MTOR: variants seen among roughly 807,000 people sequenced by gnomAD.
MTOR encodes serine/threonine-protein kinase mTOR.
A neutral mutation model predicts 319.8 loss-of-function variants in MTOR; 70 were observed. The ratio of observed to expected loss-of-function variants is 0.22; its 90% CI spans 0.18 to 0.27. The LOEUF is 0.27. Ranked by LOEUF, MTOR falls within the 10% of genes least tolerant of loss-of-function variation. MTOR has a pLI of 1.00. For missense variants in MTOR, 1,890 were observed against 3,274.4 expected, an observed-to-expected ratio of 0.58 and a Z score of 10.32; for synonymous variants, 1,183 against 1,211.4, an observed-to-expected ratio of 0.98 and a Z score of 0.49.
intron 13 of MTOR, among the ~76,000 whole-genome samples, chr1:11,234,468 A>C (rs1647129281): frequency 6.6e-6 from 1 of 152,200 alleles, no homozygotes; most frequent in African/African-American, 2.4e-5. Context: ...AGGAAGAAAA[A>C]CTATTCGAAA....
chr1:11,238,115 T>C, intron 12 of MTOR, 67 bp from the exon 13 acceptor site: 4 of 1,467,662 alleles, frequency 2.7e-6, no homozygotes, highest in Non-Finnish European at 3.8e-6. Flanking sequence ...TCCCAGCTTC[T>C]ACCTCCACTG....
chr1:11,189,927 A>AGCACAGACGGTCACTCAGACCTCC (rs1645462381), intron 28 of MTOR: 1 of 1,613,008 alleles, frequency 6.2e-7, no homozygotes, highest in African/African-American at 1.3e-5. Flanking sequence ...AGCTGCAGGC[A>AGCACAGACGGTCACTCAGACCTCC]GCACAGACGG....
In MTOR at chr1:11,204,569, C is replaced by T. The variant is rs1262072359; in HGVS notation, c.3936G>A (p.Pro1312=). Residue 1312 remains proline, a synonymous_variant, in exon 26 of 58, where the codon CCG becomes CCA. Transcript: ENST00000361445. ...SCWALAQAYN[P]MARDLFNAAF... ...GCCCTGACACACTATACCTGGCCAT[C>T]GGGTTGTAGGCCTGTGCCAGGGCCC... 4.3e-6 allele frequency: 7 copies of T among 1,613,792 alleles called. No individual in the cohort carries two copies. Among genetic ancestry groups the T allele is most frequent in the Non-Finnish European group, 5.9e-6 (7 of 1,179,828 alleles).
At chr1:11,174,999 CAGGTCAA>C (rs1388041066) in intron 28 of MTOR, among the ~76,000 whole-genome samples, 3 of 152,204 alleles carry the variant, frequency 2.0e-5, no homozygotes, top group Admixed American at 1.3e-4. Flanking sequence ...GCAGAAATGA[CAGGTCAA>C]TCAGATTTCC....
At chr1:11,257,599 A>C (rs1650588774) in intron 3 of MTOR, among the ~76,000 whole-genome samples, 1 of 148,772 alleles carries the variant, frequency 6.7e-6, no homozygotes, top group African/African-American at 2.5e-5. Context: ...AAATCTGGCG[A>C]GTGAACCCTC....
intron 19 of MTOR, among the ~76,000 whole-genome samples, chr1:11,220,749 C>G (rs930247185): frequency 6.6e-6 from 1 of 152,140 alleles, no homozygotes; most frequent in Non-Finnish European, 1.5e-5. Context: ...ACAGTCCTGT[C>G]AACATCTTGA....
intron 49 of MTOR, among the ~76,000 whole-genome samples, chr1:11,119,467 A>G (rs548824695): frequency 6.8e-6 from 1 of 147,732 alleles, no homozygotes; most frequent in Admixed American, 6.8e-5. Flanking sequence ...ACTACTTGGG[A>G]GGCTGAGGCA....
chr1:11,177,328 C>T (rs1225430048), intron 28 of MTOR, among the ~76,000 whole-genome samples: 1 of 152,092 alleles, frequency 6.6e-6, no homozygotes, highest in Non-Finnish European at 1.5e-5. Flanking sequence ...GAGGCCGAGA[C>T]AGGATGACTG....
chr1:11,240,232 A>G, intron 11 of MTOR, 71 bp downstream of exon 11: 1 of 1,496,250 alleles, frequency 6.7e-7, no homozygotes, highest in Non-Finnish European at 8.9e-7. Flanking sequence ...GGAATCCTAG[A>G]TACCTTCATT....
chr1:11,112,964 T>C, intron 53 of MTOR, 47 bp from the exon 54 acceptor site: 1 of 1,580,248 alleles, frequency 6.3e-7, no homozygotes, highest in Non-Finnish European at 8.7e-7. Context: ...AAATTTTGAC[T>C]TGAAAGAAAC....
chr1:11,254,124 C>G, intron 5 of MTOR, 151 bp from the exon 6 acceptor site: 1 of 894,338 alleles, frequency 1.1e-6, no homozygotes, highest in Non-Finnish European at 1.7e-6. Context: ...TGATCAATCT[C>G]TTTTATTTAA....
chr1:11,225,422 C>CTTT (rs201304113), intron 19 of MTOR, among the ~76,000 whole-genome samples: 4 of 137,080 alleles, frequency 2.9e-5, no homozygotes, highest in South Asian at 2.3e-4. Context: ...AAAATTGGTT[C>CTTT]TTTTTTTTTT....
At chr1:11,226,780 C>T (rs1043317462) in intron 19 of MTOR, among the ~76,000 whole-genome samples, 1 of 152,088 alleles carries the variant, frequency 6.6e-6, no homozygotes, top group Non-Finnish European at 1.5e-5. Context: ...TAGACCCTAT[C>T]TCAAAAACCA....
Position 11,107,312 on chromosome 1 carries a change from A to G in MTOR, c.*173T>C. 2.7e-6 allele frequency: 4 copies of G among 1,489,148 alleles called. No individual in the cohort carries two copies. Among genetic ancestry groups the G allele is most frequent in the Non-Finnish European group, 3.6e-6 (4 of 1,121,788 alleles). The allele number at this position is 1,489,148 out of a possible 1,614,324, so 92.2% of individuals were successfully genotyped here. On this transcript the variant is annotated 3_prime_UTR_variant, in exon 58 of 58. Transcript: ENST00000361445. ...TGTTTCTGACAATATATTCTTCAAC[A>G]GCAGCTAGAAAGTTGGTTCAAACCA...
At chr1:11,218,204 G>T (rs916044334) in intron 19 of MTOR, among the ~76,000 whole-genome samples, 2 of 152,138 alleles carry the variant, frequency 1.3e-5, no homozygotes, top group African/African-American at 4.8e-5. Flanking sequence ...GGCTGAGGCG[G>T]GCAGATCACA....
intron 30 of MTOR, among the ~76,000 whole-genome samples, chr1:11,152,866 C>T (rs1477616741): frequency 1.3e-5 from 2 of 152,188 alleles, no homozygotes; most frequent in African/African-American, 4.8e-5. Flanking sequence ...CTGCTTCTTT[C>T]GACTCGTTTT....
chr1:11,148,855 G>GCCCTAT (rs1203702640), intron 31 of MTOR, among the ~76,000 whole-genome samples: 1 of 151,920 alleles, frequency 6.6e-6, no homozygotes, highest in Admixed American at 6.6e-5. Context: ...CCGAGATCGT[G>GCCCTAT]CCACTGCACT....
At chr1:11,244,909 T>C (rs1433174215) in intron 8 of MTOR, among the ~76,000 whole-genome samples, 1 of 152,138 alleles carries the variant, frequency 6.6e-6, no homozygotes, top group Non-Finnish European at 1.5e-5. Flanking sequence ...ACCATCTGGG[T>C]TTATGTAAAT....
Position 11,115,310 on chromosome 1 carries a change from G to T in MTOR, c.7089+86C>A. ...GCAGGGGTTAAGAGTAAGGCAGTTT[G>T]GGCTTAAGTCTGCCTACAGTGTCAG... On this transcript the variant is annotated intron_variant, in intron 51 of 57. Coordinates refer to ENST00000361445, the MANE Select transcript of MTOR (RefSeq NM_004958.4). The surrounding 1 kb of genome is among the most constrained non-coding windows in gnomAD (Gnocchi z 4.5). 7.7e-7 allele frequency: 1 copy of T among 1,303,460 alleles called. No individual in the cohort carries two copies. Among genetic ancestry groups the T allele is most frequent in the Non-Finnish European group, 1.1e-6 (1 of 899,164 alleles). 80.7% of individuals were successfully genotyped at this position (1,303,460 alleles called of 1,614,324 possible).
Sources: gnomAD v4.1 joint callset for allele counts (sites outside exome capture counted in the v4.1 genomes callset) on GRCh38, gnomAD v4.1.1 for gene constraint, Gnocchi (gnomAD v3.1) non-coding constraint, MANE v1.5 for transcripts, NCBI Gene and HGNC (gene_info 2026-07-23, HGNC 2026-07-21) for gene names.